AGBL5: variants seen among roughly 807,000 people sequenced by gnomAD.
AGBL5 encodes AGBL carboxypeptidase 5, also known as cytosolic carboxypeptidase-like protein 5.
AGBL5 carries 51 observed loss-of-function variants against 88.0 expected under a neutral mutation model. The ratio of observed to expected loss-of-function variants is 0.58; its 90% CI spans 0.46 to 0.73. AGBL5 has a LOEUF of 0.73. AGBL5 is among the 30% of genes least tolerant of loss of function. AGBL5 has a pLI of 0.00. For synonymous variants in AGBL5, 446 were observed against 438.8 expected (o/e 1.02, Z -0.21); for missense variants, 1,031 against 1,162.2 (o/e 0.89, Z 1.64).
In AGBL5 at chr2:27,052,984, T is replaced by C. The variant is rs1668244403; in HGVS notation, c.26T>C (p.Leu9Pro). Residue 9 changes from leucine to proline, a missense_variant, in exon 2 of 15, where the codon CTG becomes CCG. This residue lies in a region of AGBL5 where 540 missense variants were observed against 678.2 expected (regional missense o/e 0.80). Transcript: ENST00000360131. ...ATGGAGCTGCGCTGTGGGGGATTGCTGTTCAGTTCTCGCTTTGATTCAGGG... is the reference window on the plus strand; with the variant it reads ...ATGGAGCTGCGCTGTGGGGGATTGCCGTTCAGTTCTCGCTTTGATTCAGGG... MELRCGGL[L>P]FSSRFDSGNL... is the part of the protein sequence containing the mutation. 1 of 1,611,412 alleles carries C rather than the reference T, an allele frequency of 6.2e-7. No individual in the cohort carries two copies. Among genetic ancestry groups the C allele is most frequent in the Non-Finnish European group, 8.5e-7 (1 of 1,178,292 alleles).
intron 11 of AGBL5, among the ~76,000 whole-genome samples, chr2:27,065,104 G>A (rs1166406457): frequency 6.6e-6 from 1 of 151,988 alleles, no homozygotes; most frequent in Non-Finnish European, 1.5e-5. Flanking sequence ...AATTCCCAGT[G>A]TGGCTGGGAA....
rs369810583 is a variant in AGBL5, at chr2:27,070,397, G to A, written c.*134G>A. On this transcript the variant is annotated 3_prime_UTR_variant, in exon 15 of 15. Coordinates refer to ENST00000360131, the MANE Select transcript of AGBL5 (RefSeq NM_021831.6). ...TTGGAATGCCAGCCACGCTGTCCAA[G>A]GCATTACAGAGTATCACCTTGAGAC... 9.6e-5 allele frequency: 86 copies of A among 895,620 alleles called. 1 individual carries two copies. The highest frequency in any genetic ancestry group is 2.9e-4 in the East Asian group (11 of 38,556). 55.5% of individuals were successfully genotyped at this position (895,620 alleles called of 1,614,324 possible).
Position 27,054,076 on chromosome 2 carries a change from T to TA in AGBL5, c.551+18dup. ...CCATAGCAGGTGCCAGCCCCATTCT[T>TA]ACTCCTGCCACACAGTCCTGGATCA... On this transcript the variant is annotated intron_variant, in intron 4 of 14. Coordinates refer to ENST00000360131, the MANE Select transcript of AGBL5 (RefSeq NM_021831.6). The TA allele has an allele frequency of 6.2e-7, 1 of 1,603,386 alleles. No homozygotes were observed. Among genetic ancestry groups the TA allele is most frequent in the Non-Finnish European group, 8.5e-7 (1 of 1,173,204 alleles).
intron 11 of AGBL5, among the ~76,000 whole-genome samples, chr2:27,064,002 T>A (rs2148295797): frequency 6.6e-6 from 1 of 152,334 alleles, no homozygotes; most frequent in East Asian, 1.9e-4. Context: ...GGGTGAAGGT[T>A]TGTCCCTTAA....
chr2:27,057,475 C>T, intron 9 of AGBL5, 37 bp downstream of exon 9: 1 of 1,558,716 alleles, frequency 6.4e-7, no homozygotes, highest in Middle Eastern at 1.7e-4. Context: ...AAGGGAGAAA[C>T]CTTACAGTCT....
intron 4 of AGBL5, 106 bp from the exon 5 acceptor site, chr2:27,054,524 G>A (rs1668330888): frequency 9.0e-7 from 1 of 1,105,886 alleles, no homozygotes; most frequent in East Asian, 2.4e-5. Flanking sequence ...AGGCCCCAAA[G>A]GTTAGGGTGA....
Position 27,058,600 on chromosome 2 carries a change from C to T in AGBL5, c.1872C>T (p.His624=), listed in dbSNP as rs1241372562. ...GCCTTCGAACTCCACCCAAAAGTCA[C>T]AAGTAAGGCCAGCAAAATAGGAGGG... ...KRGLRTPPKS[H]NGLPVSCSEN... Residue 624 remains histidine, a splice_region_variant and synonymous_variant, in exon 10 of 15, where the codon CAC becomes CAT. Coordinates refer to ENST00000360131, the MANE Select transcript of AGBL5 (RefSeq NM_021831.6). 6.2e-7 allele frequency: 1 copy of T among 1,613,792 alleles called. No homozygotes were observed. Among genetic ancestry groups the T allele is most frequent in the Non-Finnish European group, 8.5e-7 (1 of 1,180,002 alleles).
chr2:27,068,797 C>T (rs1669123392), intron 13 of AGBL5, 53 bp downstream of exon 13: 4 of 1,602,456 alleles, frequency 2.5e-6, no homozygotes, highest in Non-Finnish European at 3.4e-6. Context: ...CAGCAAGGCA[C>T]TGTTCCTCTG....
intron 12 of AGBL5, chr2:27,067,936 CT>C: frequency 2.2e-6 from 1 of 461,286 alleles, no homozygotes; most frequent in Non-Finnish European, 4.1e-6. Context: ...CAAAATGCTA[CT>C]TATGCAAATT....
At chr2:27,051,532 G>T (rs1174831308), upstream of AGBL5, 1 of 152,266 alleles carries the variant, frequency 6.6e-6, no homozygotes, top group African/African-American at 2.4e-5. Context: ...GCCCGCCATC[G>T]TCCCCGAACG....
chr2:27,067,534 G>A lies in AGBL5; in HGVS notation c.2130G>A (p.Leu710=). ...ACAGGAGACGGCAGCAGCAGCCCCTGAACCATCGTCCTGCAGGCAGCCTCG... is the reference window on the plus strand; with the variant it reads ...ACAGGAGACGGCAGCAGCAGCCCCTAAACCATCGTCCTGCAGGCAGCCTCG... ...SQDRRRQQQP[L]NHRPAGSLAP... The change falls in exon 12 of 15, where the codon CTG becomes CTA. Residue 710 remains leucine, a synonymous_variant. Transcript: ENST00000360131. The A allele has an allele frequency of 1.2e-6, 2 of 1,614,128 alleles. No individual in the cohort carries two copies. Among genetic ancestry groups the A allele is most frequent in the Non-Finnish European group, 1.7e-6 (2 of 1,180,032 alleles).
At position 27,057,890 on chromosome 2, in the gene AGBL5, A is replaced by G. The variant is rs953020387; in HGVS notation, c.1671+452A>G. Among the ~76,000 whole-genome samples, 8 of 152,232 alleles carry G rather than the reference A, an allele frequency of 5.3e-5. No individual in the cohort carries two copies. The South Asian group carries it at 1.0e-3, about 20-fold the overall frequency. On this transcript the variant is annotated intron_variant, in intron 9 of 14. Transcript: ENST00000360131. ...CAGGAGTTCAAGACCAGCCTGGCCA[A>G]TATGGTGAAACCCCATCTCTACTAA...
chr2:27,056,741 A>T lies in AGBL5; in HGVS notation c.1484A>T (p.Lys495Ile), dbSNP rs1668449743. The change falls in exon 8 of 15, where the codon AAA becomes ATA. Residue 495 changes from lysine (K) to isoleucine (I), a missense_variant. By Grantham distance (102) the Lys-to-Ile change is moderately radical. This residue lies in a region of AGBL5 where 540 missense variants were observed against 678.2 expected (regional missense o/e 0.80). Coordinates refer to ENST00000360131, the MANE Select transcript of AGBL5 (RefSeq NM_021831.6). ...YARDRRDGQS[K>I]EGSGRVAIYK... The stretch of plus-strand genomic sequence containing the variant: ...CGAGACCGTAGAGATGGCCAGTCTA[A>T]AGAGGGAAGCGGCCGTGTTGCAATC... 1 of 1,613,692 alleles carries T rather than the reference A, an allele frequency of 6.2e-7. No individual in the cohort carries two copies. The highest frequency in any genetic ancestry group is 8.5e-7 in the Non-Finnish European group (1 of 1,179,772).
intron 13 of AGBL5, chr2:27,068,989 G>A (rs183073842): frequency 1.4e-6 from 2 of 1,459,272 alleles, no homozygotes; most frequent in Admixed American, 4.1e-5. Flanking sequence ...CCCAACCTTA[G>A]CCTGCTAGCT....
chr2:27,055,881 A>G lies in AGBL5; in HGVS notation c.1108A>G (p.Asn370Asp). 6.2e-7 allele frequency: 1 copy of G among 1,614,208 alleles called. No individual in the cohort carries two copies. Among genetic ancestry groups the G allele is most frequent in the African/African-American group, 1.3e-5 (1 of 75,050 alleles). The part of the protein sequence containing the change: ...APVSDLEKAN[N>D]LQNEAQCGHS... ...TGTTTCTGACCTGGAGAAAGCCAAC[A>G]ATCTCCAAAATGAAGCTCAGTGTGG... The change falls in exon 7 of 15, where the codon AAT (asparagine) becomes GAT (aspartate). Residue 370 changes from asparagine (N) to aspartate (D), a missense_variant. Coordinates refer to ENST00000360131, the MANE Select transcript of AGBL5 (RefSeq NM_021831.6).
At chr2:27,051,329 G>C (rs973208565), upstream of AGBL5, 1 of 152,238 alleles carries the variant, frequency 6.6e-6, no homozygotes, top group South Asian at 2.1e-4. Flanking sequence ...CAAAACGGGA[G>C]GGATTCCCGG....
At chr2:27,058,185 C>T (rs1432182041) in intron 9 of AGBL5, among the ~76,000 whole-genome samples, 1 of 152,216 alleles carries the variant, frequency 6.6e-6, no homozygotes, top group Non-Finnish European at 1.5e-5. Flanking sequence ...ACACTTTGCC[C>T]CTCATAATGG....
rs1572817071 is a variant in AGBL5 at position 27,056,000 on chromosome 2, T to C, written c.1227T>C (p.Ser409=). 1 of 1,614,252 alleles carries C rather than the reference T, an allele frequency of 6.2e-7. No homozygotes were observed. The highest frequency in any genetic ancestry group is 1.1e-5 in the South Asian group (1 of 91,092). ...GTGTGTGGATTATGCCACAACAGTCTGCGGGGCTTGAAGAGTCAGCCCCTG... is the reference window on the plus strand; with the variant it reads ...GTGTGTGGATTATGCCACAACAGTCCGCGGGGCTTGAAGAGTCAGCCCCTG... ...LNSVWIMPQQ[S]AGLEESAPDT... The change falls in exon 7 of 15, where the codon TCT becomes TCC. Residue 409 remains serine (S), a synonymous_variant. Coordinates refer to ENST00000360131, the MANE Select transcript of AGBL5 (RefSeq NM_021831.6).
In AGBL5 at chr2:27,067,648, T is replaced by G. The variant is rs746563151; in HGVS notation, c.2242+2T>G. On this transcript the variant is annotated splice_donor_variant, in intron 12 of 14. Transcript: ENST00000360131. LOFTEE classifies it high-confidence loss of function. ...TGCCTGATTCATTCAACATACCAGG[T>G]CTGTACCCACTGCCACTGAAATCTG... is the stretch of plus-strand genomic sequence containing the variant. 1 of 1,612,342 alleles carries G rather than the reference T, an allele frequency of 6.2e-7. No individual in the cohort carries two copies. Among genetic ancestry groups the G allele is most frequent in the Non-Finnish European group, 8.5e-7 (1 of 1,178,744 alleles).
Sources: allele counts gnomAD v4.1 joint callset (sites outside exome capture counted in the v4.1 genomes callset), GRCh38; gene constraint gnomAD v4.1.1; regional missense constraint gnomAD v4.1.1; transcripts MANE v1.5; gene names NCBI Gene and HGNC (gene_info 2026-07-23, HGNC 2026-07-21).